The following BHMT variants were observed in gnomAD, a reference collection of about 807,000 sequenced individuals.
BHMT encodes the protein betaine--homocysteine S-methyltransferase, also known as betaine--homocysteine S-methyltransferase 1.
A neutral mutation model predicts 49.5 loss-of-function variants in BHMT; 38 were observed. The observed-to-expected ratio is 0.77, with a 90% CI of 0.59 to 1.01. The LOEUF (loss-of-function observed/expected upper bound fraction) is 1.01, where lower values mean the gene tolerates loss of function less well. Ranked by LOEUF, BHMT falls within the 50% of genes least tolerant of loss-of-function variation. BHMT has a pLI of 0.00. For synonymous variants in BHMT, 166 were observed against 176.3 expected, an observed-to-expected ratio of 0.94 and a Z score of 0.46; for missense variants, 426 against 495.7, an observed-to-expected ratio of 0.86 and a Z score of 1.34.
At position 79,114,227 on chromosome 5, in the gene BHMT, C is replaced by T. The variant is rs112712533; in HGVS notation, c.34-1540C>T. Among the ~76,000 whole-genome samples, 1,033 of 151,872 alleles carry T rather than the reference C, an allele frequency of 6.8e-3. 17 individuals carry two copies. Among genetic ancestry groups the T allele is most frequent in the African/African-American group, 0.024 (976 of 41,410 alleles). The stretch of plus-strand genomic sequence containing the variant: ...GACAAATATTTGGATTTCAAAATGA[C>T]GTGTGAGCCATTTATATTTTTGTTG... On this transcript the variant is annotated intron_variant, in intron 1 of 7. Coordinates refer to ENST00000274353, the MANE Select transcript of BHMT (RefSeq NM_001713.3).
intron 5 of BHMT, among the ~76,000 whole-genome samples, chr5:79,122,387 A>G (rs1360012563): frequency 3.3e-5 from 5 of 152,202 alleles, no homozygotes; most frequent in African/African-American, 1.2e-4. Flanking sequence ...AACCTTGGAA[A>G]ACCCTGTGCT....
intron 3 of BHMT, chr5:79,119,724 A>G (rs1484104011): frequency 1.0e-5 from 2 of 197,136 alleles, no homozygotes; most frequent in Middle Eastern, 2.1e-3. Flanking sequence ...ATAATAAATC[A>G]GTAAACCTGG....
chr5:79,121,182 C>A (rs764396954), intron 4 of BHMT, 36 bp from the exon 5 acceptor site: 15 of 1,578,512 alleles, frequency 9.5e-6, no homozygotes, highest in Admixed American at 1.9e-5. Context: ...TTGGGAGAAA[C>A]GAGATTAAAA....
chr5:79,125,776 C>A (rs1756543323), intron 5 of BHMT, among the ~76,000 whole-genome samples: 1 of 151,784 alleles, frequency 6.6e-6, no homozygotes, highest in African/African-American at 2.4e-5. Flanking sequence ...TATAAAAAAA[C>A]AAACAAACAA....
intron 3 of BHMT, chr5:79,119,625 C>CT: frequency 3.1e-6 from 1 of 322,272 alleles, no homozygotes; most frequent in South Asian, 6.1e-5. Flanking sequence ...AGTCTCTTGA[C>CT]TAAGTTGCTG....
rs1425174702 is a variant in BHMT, at chr5:79,131,398, T to C, written c.*282T>C. On this transcript the variant is annotated 3_prime_UTR_variant, in exon 8 of 8. Coordinates refer to ENST00000274353, the MANE Select transcript of BHMT (RefSeq NM_001713.3). ...GGAAATCACTGCTGCACAGGAAAAG[T>C]AATTCAGATGTTAATGCCACTTGAA... The C allele has an allele frequency of 3.7e-6, 1 of 272,266 alleles. No individual in the cohort carries two copies. Among genetic ancestry groups the C allele is most frequent in the African/African-American group, 2.2e-5 (1 of 45,218 alleles). The allele number at this position is 272,266 out of a possible 1,614,324, so 16.9% of individuals were successfully genotyped here. A position where few individuals can be genotyped will look rare whatever the true frequency, so the allele number is the denominator to read the frequency against.
rs757233100 is a variant in BHMT, at chr5:79,111,965, G to T, written c.33+47G>T. ...GGGCGCTCTCCTTCCCCTCCCACCT[G>T]CTCTGTATCCCAGCCTCTGGGAGCG... On this transcript the variant is annotated intron_variant, in intron 1 of 7. Coordinates refer to ENST00000274353, the MANE Select transcript of BHMT (RefSeq NM_001713.3). The T allele has an allele frequency of 9.8e-6, 15 of 1,525,874 alleles. No individual in the cohort carries two copies. In the African/African-American group the frequency reaches 1.9e-4, roughly 20 times the overall value. 94.5% of individuals were successfully genotyped at this position (1,525,874 alleles called of 1,614,324 possible).
intron 3 of BHMT, 143 bp from the exon 4 acceptor site, chr5:79,120,207 A>C: frequency 1.4e-6 from 1 of 728,708 alleles, no homozygotes; most frequent in Non-Finnish European, 2.1e-6. Flanking sequence ...TCAACTTGGT[A>C]AAGCTTTGAA....
intron 2 of BHMT, among the ~76,000 whole-genome samples, chr5:79,118,970 G>A (rs1042960401): frequency 6.6e-6 from 1 of 152,030 alleles, no homozygotes; most frequent in African/African-American, 2.4e-5. Context: ...TGTGTCCATG[G>A]GTGCCATCCA....
chr5:79,129,605 G>A (rs1484659635), intron 7 of BHMT, among the ~76,000 whole-genome samples: 2 of 152,178 alleles, frequency 1.3e-5, no homozygotes, highest in Non-Finnish European at 2.9e-5. Flanking sequence ...AGATTAGCAA[G>A]TTAGCAAGTT....
intron 5 of BHMT, among the ~76,000 whole-genome samples, chr5:79,125,283 C>T (rs946093823): frequency 1.8e-4 from 27 of 151,854 alleles, no homozygotes; most frequent in African/African-American, 6.3e-4. Flanking sequence ...TGGTGAAACC[C>T]TGTCTCCACT....
intron 2 of BHMT, among the ~76,000 whole-genome samples, chr5:79,116,571 C>T (rs535316989): frequency 1.3e-5 from 2 of 152,250 alleles, no homozygotes; most frequent in East Asian, 3.9e-4. Flanking sequence ...TCATATTTTG[C>T]CCCCAAATGG....
Position 79,131,154 on chromosome 5 carries a change from T to C in BHMT, c.*38T>C, listed in dbSNP as rs1484380122. 2.5e-6 allele frequency: 4 copies of C among 1,577,724 alleles called. No individual in the cohort carries two copies. In the Admixed American group the frequency reaches 5.4e-5, roughly 21 times the overall value. On this transcript the variant is annotated 3_prime_UTR_variant, in exon 8 of 8. Coordinates refer to ENST00000274353, the MANE Select transcript of BHMT (RefSeq NM_001713.3). ...CTATTTTTGATGAATTTCTAGGTGT[T>C]TGGGTCACAGTTCCTACAAATACGG...
At chr5:79,112,870 A>T (rs937218399) in intron 1 of BHMT, among the ~76,000 whole-genome samples, 1 of 152,160 alleles carries the variant, frequency 6.6e-6, no homozygotes, top group Non-Finnish European at 1.5e-5. Context: ...AGAGAGAAGG[A>T]TGGAGGGAGG....
At chr5:79,122,602 C>T (rs573607605) in intron 5 of BHMT, among the ~76,000 whole-genome samples, 1 of 152,096 alleles carries the variant, frequency 6.6e-6, no homozygotes, top group East Asian at 1.9e-4. Context: ...AAATCTTCAA[C>T]AGCTTATAGC....
chr5:79,112,445 G>A (rs547700823), intron 1 of BHMT, among the ~76,000 whole-genome samples: 28 of 152,342 alleles, frequency 1.8e-4, no homozygotes, highest in African/African-American at 6.7e-4. Context: ...AGAACAGGGA[G>A]GAGTGCACGG....
In BHMT at chr5:79,115,840, G is replaced by T; in HGVS notation, c.107G>T (p.Arg36Met). The T allele has an allele frequency of 6.2e-7, 1 of 1,614,108 alleles. No homozygotes were observed. The highest frequency in any genetic ancestry group is 8.5e-7 in the Non-Finnish European group (1 of 1,179,992). The change falls in exon 2 of 8, where the codon AGG (arginine) becomes ATG (methionine). Residue 36 changes from arginine to methionine, a missense_variant. Around this residue, in one of 3 missense-constraint regions of BHMT, gnomAD observed 321 missense variants for 355.9 expected, o/e 0.90. Coordinates refer to ENST00000274353, the MANE Select transcript of BHMT (RefSeq NM_001713.3). The part of the protein sequence containing the change: ...DGGFVFALEK[R>M]GYVKAGPWTP... Reference sequence around the variant, plus strand: ...GGGTTTGTCTTTGCACTGGAGAAGAGGGGCTACGTAAAGGCAGGACCCTGG... The same window carrying T: ...GGGTTTGTCTTTGCACTGGAGAAGATGGGCTACGTAAAGGCAGGACCCTGG...
rs1756432795 is a variant in BHMT, at chr5:79,119,388, C to G, written c.285+11C>G. 1.9e-6 allele frequency: 3 copies of G among 1,591,954 alleles called. No individual in the cohort carries two copies. The highest frequency in any genetic ancestry group is 2.6e-6 in the Non-Finnish European group (3 of 1,161,658). ...TTAGAGAAGATATCTGTGAGTAAAA[C>G]CAGCCGTGGGACTTTTAGAAGGATA... On this transcript the variant is annotated intron_variant, in intron 3 of 7. Transcript: ENST00000274353.
At chr5:79,126,951 C>A (rs1756561308) in intron 6 of BHMT, among the ~76,000 whole-genome samples, 1 of 152,118 alleles carries the variant, frequency 6.6e-6, no homozygotes, top group South Asian at 2.1e-4. Context: ...TTATAGGGAC[C>A]CTTAGACAAG....
Sources: gnomAD v4.1 joint callset for allele counts (sites outside exome capture counted in the v4.1 genomes callset) on GRCh38, gnomAD v4.1.1 for gene constraint, gnomAD v4.1.1 regional missense constraint, MANE v1.5 for transcripts, NCBI Gene and HGNC (gene_info 2026-07-23, HGNC 2026-07-21) for gene names.